The following MAP3K3 variants were observed in gnomAD, a reference collection of about 807,000 sequenced individuals.
MAP3K3 encodes the protein mitogen-activated protein kinase kinase kinase 3.
Under a neutral mutation model 80.9 loss-of-function variants are expected in MAP3K3, and 12 were observed. That is an observed-to-expected ratio of 0.15 (90% CI 0.10 to 0.24). MAP3K3 has a LOEUF of 0.24. MAP3K3 is among the 10% of genes least tolerant of loss of function. MAP3K3 has a pLI of 1.00. For synonymous variants in MAP3K3, 272 were observed against 307.1 expected (o/e 0.89, Z 1.19); for missense variants, 596 against 834.7 (o/e 0.71, Z 3.52).
At chr17:63,634,651 C>T in intron 2 of MAP3K3, 1 of 1,417,724 alleles carries the variant, frequency 7.1e-7, no homozygotes, top group Non-Finnish European at 9.9e-7. Flanking sequence ...TCAATGTTGT[C>T]AAACTTATGT....
At chr17:63,635,315 T>C (rs2034300871) in intron 2 of MAP3K3, among the ~76,000 whole-genome samples, 1 of 152,184 alleles carries the variant, frequency 6.6e-6, no homozygotes. Context: ...AAGCTAATAA[T>C]GGGAATCCTA....
rs760447616 is a variant in MAP3K3 at position 63,693,352 on chromosome 17, C to G, written c.1653-197C>G. 1.9e-4 allele frequency among the ~76,000 whole-genome samples: 29 copies of G among 152,228 alleles called. No homozygotes were observed. Among genetic ancestry groups the G allele is most frequent in the Middle Eastern group, 3.4e-3 (1 of 294 alleles). On this transcript the variant is annotated intron_variant, in intron 15 of 15. Transcript: ENST00000361733. This position sits in a 1 kb window ranked among gnomAD's most constrained non-coding sequence, Gnocchi z 4.2. ...TAAGTGATTCTCTTTTTCCTTATTTCAAGAAGTACCCAGGTGTGTGGTGAG... is the reference window on the plus strand; with the variant it reads ...TAAGTGATTCTCTTTTTCCTTATTTGAAGAAGTACCCAGGTGTGTGGTGAG...
chr17:63,687,150 G>T (rs1038776748), intron 8 of MAP3K3, among the ~76,000 whole-genome samples: 4 of 151,582 alleles, frequency 2.6e-5, no homozygotes, highest in African/African-American at 9.7e-5. Context: ...CGGATCACCT[G>T]AGGTCAGGAG....
intron 2 of MAP3K3, chr17:63,634,588 G>A: frequency 3.7e-6 from 3 of 808,046 alleles, no homozygotes; most frequent in Non-Finnish European, 6.0e-6. Context: ...AGGATTGACT[G>A]TTAGGAAGTA....
chr17:63,653,055 TC>T (rs1409191444), intron 4 of MAP3K3, among the ~76,000 whole-genome samples: 1 of 152,204 alleles, frequency 6.6e-6, no homozygotes, highest in Non-Finnish European at 1.5e-5. Context: ...GAGTAGGTCA[TC>T]TATTACAGTC....
At chr17:63,664,242 G>A (rs1466017094) in intron 5 of MAP3K3, among the ~76,000 whole-genome samples, 9 of 87,804 alleles carry the variant, frequency 1.0e-4, no homozygotes, top group East Asian at 6.0e-4. Context: ...GCGAGACTCC[G>A]TCTCAAAAAA....
At chr17:63,678,183 A>G (rs1009520179) in intron 6 of MAP3K3, among the ~76,000 whole-genome samples, 4 of 152,134 alleles carry the variant, frequency 2.6e-5, no homozygotes, top group African/African-American at 9.7e-5. Flanking sequence ...CGCAATGTGG[A>G]TGATGATAAT....
intron 6 of MAP3K3, among the ~76,000 whole-genome samples, chr17:63,670,323 C>G (rs2035078926): frequency 6.6e-6 from 1 of 152,126 alleles, no homozygotes; most frequent in Non-Finnish European, 1.5e-5. Flanking sequence ...TGGCTCACGC[C>G]TGTAACCCCA....
At chr17:63,659,982 C>T (rs1670664579) in intron 5 of MAP3K3, among the ~76,000 whole-genome samples, 1 of 152,160 alleles carries the variant, frequency 6.6e-6, no homozygotes, top group Non-Finnish European at 1.5e-5. Context: ...AGGGCCCTCT[C>T]CATTTCTTTA....
At chr17:63,641,664 A>C (rs2143259098) in intron 2 of MAP3K3, among the ~76,000 whole-genome samples, 1 of 152,326 alleles carries the variant, frequency 6.6e-6, no homozygotes. Flanking sequence ...CTACATTCTT[A>C]ACAACTACAT....
chr17:63,658,789 C>A (rs1258296524), intron 5 of MAP3K3, among the ~76,000 whole-genome samples: 1 of 147,674 alleles, frequency 6.8e-6, no homozygotes, highest in African/African-American at 2.5e-5. Context: ...GGCTGGAATG[C>A]AATGGTGTGA....
intron 1 of MAP3K3, among the ~76,000 whole-genome samples, chr17:63,630,035 T>G (rs2034184489): frequency 6.6e-6 from 1 of 152,232 alleles, no homozygotes; most frequent in Non-Finnish European, 1.5e-5. Flanking sequence ...TTGAAAGAAC[T>G]GAAAATTCTC....
chr17:63,690,719 C>A lies in MAP3K3; in HGVS notation c.1212+307C>A, dbSNP rs891487055. The A allele has an allele frequency of 2.2e-4, 95 of 438,312 alleles. No homozygotes were observed. The Middle Eastern group carries it at 3.1e-3, about 14-fold the overall frequency. The allele number at this position is 438,312 out of a possible 1,614,324, so 27.2% of individuals were successfully genotyped here. A position where few individuals can be genotyped will look rare whatever the true frequency, so the allele number is the denominator to read the frequency against. On this transcript the variant is annotated intron_variant, in intron 12 of 15. Transcript: ENST00000361733. ...CCTCCCCTAGACAAGTATCTCTCCCCAGCTCTCAGCCCAGGAAGGAGCTGT... is the reference window on the plus strand; with the variant it reads ...CCTCCCCTAGACAAGTATCTCTCCCAAGCTCTCAGCCCAGGAAGGAGCTGT...
intron 4 of MAP3K3, among the ~76,000 whole-genome samples, chr17:63,656,537 G>A (rs1347807806): frequency 6.6e-6 from 1 of 151,786 alleles, no homozygotes; most frequent in African/African-American, 2.4e-5. Flanking sequence ...CCCAGGAGGT[G>A]GACATTGCAG....
chr17:63,665,458 G>A (rs377239859), intron 5 of MAP3K3, among the ~76,000 whole-genome samples: 34 of 152,142 alleles, frequency 2.2e-4, no homozygotes, highest in African/African-American at 8.2e-4. Context: ...AGCCACTCCC[G>A]GCCTAGCTTT....
At chr17:63,687,966 GCTTTAT>G (rs1469042432) in intron 8 of MAP3K3, among the ~76,000 whole-genome samples, 9 of 152,022 alleles carry the variant, frequency 5.9e-5, no homozygotes, top group Non-Finnish European at 1.2e-4. Context: ...TGTCTTCCTA[GCTTTAT>G]CTTTGAGCAT....
intron 5 of MAP3K3, among the ~76,000 whole-genome samples, chr17:63,662,406 C>A (rs1385445863): frequency 1.3e-5 from 2 of 151,876 alleles, no homozygotes; most frequent in East Asian, 1.9e-4. Flanking sequence ...CAGAGTAAGA[C>A]CCTGTCTCGA....
chr17:63,676,384 T>C (rs2035219899), intron 6 of MAP3K3, among the ~76,000 whole-genome samples: 2 of 152,176 alleles, frequency 1.3e-5, no homozygotes, highest in Admixed American at 1.3e-4. Flanking sequence ...GGATATTTTA[T>C]CCCAGGGAAG....
rs1418247676 is a variant in MAP3K3, at chr17:63,691,454, C to T, written c.1344+221C>T. On this transcript the variant is annotated intron_variant, in intron 13 of 15. Coordinates refer to ENST00000361733, the MANE Select transcript of MAP3K3 (RefSeq NM_002401.5). This position sits in a 1 kb window ranked among gnomAD's most constrained non-coding sequence, Gnocchi z 4.8. The stretch of plus-strand genomic sequence containing the variant: ...TGACAGCTGTCCTAGGTCCAGCACT[C>T]CCCTGAGGCATGCAGGGCTGGCCCA... 1.3e-5 allele frequency among the ~76,000 whole-genome samples: 2 copies of T among 152,174 alleles called. No individual in the cohort carries two copies. The highest frequency in any genetic ancestry group is 2.9e-5 in the Non-Finnish European group (2 of 68,028).
Sources: allele counts gnomAD v4.1 joint callset (sites outside exome capture counted in the v4.1 genomes callset), GRCh38; gene constraint gnomAD v4.1.1; non-coding constraint Gnocchi (gnomAD v3.1); transcripts MANE v1.5; gene names NCBI Gene and HGNC (gene_info 2026-07-23, HGNC 2026-07-21).